Variants in THOP1 observed in about 807,000 individuals in gnomAD.
THOP1 encodes the protein thimet oligopeptidase 1, also known as thimet oligopeptidase.
In THOP1, 49 loss-of-function variants were observed where a neutral mutation model predicts 71.8. The ratio of observed to expected loss-of-function variants is 0.68; its 90% confidence interval spans 0.54 to 0.87. The LOEUF (loss-of-function observed/expected upper bound fraction) is 0.87. Among genes scored for constraint, THOP1 ranks in the 40% least tolerant of loss-of-function variants. The probability of loss-of-function intolerance (pLI) is 0.00; values close to 1 mark genes in which losing one functional copy is unlikely to be tolerated. For missense variants in THOP1, 843 were observed against 975.6 expected (o/e 0.86, Z 1.81); for synonymous variants, 426 against 421.5 (o/e 1.01, Z -0.13).
At chr19:2,791,357 C>T (rs149412811) in intron 2 of THOP1, among the ~76,000 whole-genome samples, 207 of 152,332 alleles carry the variant, frequency 1.4e-3, no homozygotes, top group African/African-American at 4.9e-3. Context: ...GGCCTTTTTG[C>T]TGGGAACCAT....
At position 2,807,534 on chromosome 19, in the gene THOP1, C is replaced by G. The variant is rs146411808; in HGVS notation, c.979C>G (p.Pro327Ala). The change falls in exon 8 of 13, where the codon CCC becomes GCC. Residue 327 changes from proline (P) to alanine (A), a missense_variant. By Grantham distance (27) the Pro-to-Ala change is conservative. Coordinates refer to ENST00000307741, the MANE Select transcript of THOP1 (RefSeq NM_003249.5). The part of the protein sequence containing the change: ...KRAECERRGL[P>A]FDGRIRAWDM... ...TGCGGAGTGCGAGCGCCGGGGCCTG[C>G]CCTTCGACGGCCGCATCCGTGCCTG... The G allele has an allele frequency of 1.1e-3, 1,720 of 1,612,154 alleles. 15 individuals carry two copies. Among genetic ancestry groups the G allele is most frequent in the Non-Finnish European group, 7.1e-4 (839 of 1,179,780 alleles).
rs1273549583 is a variant in THOP1, at chr19:2,801,735, C to G, written c.589+1944C>G. On this transcript the variant is annotated intron_variant, in intron 5 of 12. Transcript: ENST00000307741. This position sits in a 1 kb window ranked among gnomAD's most constrained non-coding sequence, Gnocchi z 5.1. ...GCCAGGGCCTTCTTCCTGGTGGGGA[C>G]TCTGGAGCCCTGAGGCGGCCAGGGT... 6.6e-6 allele frequency among the ~76,000 whole-genome samples: 1 copy of G among 152,140 alleles called. No individual in the cohort carries two copies. The highest frequency in any genetic ancestry group is 1.5e-5 in the Non-Finnish European group (1 of 68,010).
chr19:2,796,262 T>C, intron 4 of THOP1, 74 bp downstream of exon 4: 1 of 1,246,104 alleles, frequency 8.0e-7, no homozygotes, highest in Non-Finnish European at 1.1e-6. Context: ...CAGGGAGTGC[T>C]CAGTCCCAGG....
intron 6 of THOP1, 120 bp from the exon 7 acceptor site, chr19:2,806,797 G>C: frequency 6.5e-7 from 1 of 1,537,180 alleles, no homozygotes; most frequent in South Asian, 1.2e-5. Flanking sequence ...GCCGAGAGGG[G>C]CAGGGACCGG....
In THOP1 at chr19:2,801,367, CG is replaced by C. The variant is rs1211828889; in HGVS notation, c.589+1577del. Among the ~76,000 whole-genome samples, 1 of 152,104 alleles carries C rather than the reference CG, an allele frequency of 6.6e-6. No individual in the cohort carries two copies. The highest frequency in any genetic ancestry group is 6.5e-5 in the Admixed American group (1 of 15,274). On this transcript the variant is annotated intron_variant, in intron 5 of 12. Coordinates refer to ENST00000307741, the MANE Select transcript of THOP1 (RefSeq NM_003249.5). The surrounding 1 kb of genome is among the most constrained non-coding windows in gnomAD (Gnocchi z 5.1). ...TTTCACGTTTGCCATCCTGCAAACTCGAATGTTTGTGGATTTTGGTGTCTAA... is the reference window on the plus strand; with the variant it reads ...TTTCACGTTTGCCATCCTGCAAACTCAATGTTTGTGGATTTTGGTGTCTAA...
At chr19:2,808,902 T>A (rs1250011904) in intron 9 of THOP1, among the ~76,000 whole-genome samples, 1 of 152,186 alleles carries the variant, frequency 6.6e-6, no homozygotes, top group African/African-American at 2.4e-5. Context: ...CTCTAAGTAG[T>A]CACATCCTGG....
At chr19:2,807,378 G>GGCGA in intron 7 of THOP1, 64 bp from the exon 8 acceptor site, 1 of 1,495,918 alleles carries the variant, frequency 6.7e-7, no homozygotes, top group East Asian at 2.3e-5. Flanking sequence ...GCCGCGGGCG[G>GGCGA]GCGAGCCCAG....
In THOP1 at chr19:2,794,907, C is replaced by T. The variant is rs372884318; in HGVS notation, c.373C>T (p.Leu125Phe). ...GGACGTGTACCAGAGGATCGTGTGG[C>T]TCCAGGTGAGGGGGCCCTGCGGGGA... ...REDVYQRIVW[L>F]QEKVQKDSLR... is the part of the protein sequence containing the mutation. The change falls in exon 3 of 13, where the codon CTC becomes TTC. Residue 125 changes from leucine to phenylalanine, a missense_variant. Leu to Phe is a conservative substitution (Grantham distance 22, BLOSUM62 0). Transcript: ENST00000307741. 1.6e-5 allele frequency: 25 copies of T among 1,610,390 alleles called. No individual in the cohort carries two copies. The highest frequency in any genetic ancestry group is 1.6e-4 in the Middle Eastern group (1 of 6,074).
chr19:2,807,752 G>A lies in THOP1; in HGVS notation c.1197G>A (p.Ala399=), dbSNP rs756438237. 1.0e-5 allele frequency: 16 copies of A among 1,561,414 alleles called. No individual in the cohort carries two copies. The highest frequency in any genetic ancestry group is 2.3e-5 in the East Asian group (1 of 43,992). Residue 399 remains alanine, a synonymous_variant, in exon 8 of 13, where the codon GCG becomes GCA. Transcript: ENST00000307741. ...AWHEDVRLYT[A]RDAASGEVVG... is the part of the protein sequence containing the mutation. ...ATGAGGACGTGCGGCTCTACACCGCGAGGGACGCGGCCTCGGGGGAGGTGG... is the reference window on the plus strand; with the variant it reads ...ATGAGGACGTGCGGCTCTACACCGCAAGGGACGCGGCCTCGGGGGAGGTGG...
rs1599530695 is a variant in THOP1 at position 2,807,641 on chromosome 19, G to A, written c.1086G>A (p.Val362=). The stretch of plus-strand genomic sequence containing the variant: ...ACCTGCTCAAGGAGTACTTCCCCGT[G>A]CAGGTGGTCACGCACGGGCTGCTGG... ...DQNLLKEYFP[V]QVVTHGLLGI... is the part of the protein sequence containing the mutation. Residue 362 remains valine (V), a synonymous_variant, in exon 8 of 13, where the codon GTG becomes GTA. Transcript: ENST00000307741. 6.2e-7 allele frequency: 1 copy of A among 1,611,044 alleles called. No homozygotes were observed. Among genetic ancestry groups the A allele is most frequent in the African/African-American group, 1.3e-5 (1 of 74,902 alleles).
chr19:2,809,925 C>T (rs564082268), intron 9 of THOP1: 2 of 259,000 alleles, frequency 7.7e-6, no homozygotes, highest in East Asian at 1.7e-4. Flanking sequence ...GGGAAGGTTC[C>T]ACACACACAC....
intron 12 of THOP1, chr19:2,812,008 T>A: frequency 2.0e-6 from 2 of 1,019,208 alleles, no homozygotes; most frequent in Non-Finnish European, 2.7e-6. Context: ...TGCCCACAGC[T>A]CCTCCCTGGG....
Position 2,807,808 on chromosome 19 carries a change from G to A in THOP1, c.1253G>A (p.Arg418Gln), listed in dbSNP as rs760924412. The A allele has an allele frequency of 1.5e-5, 23 of 1,485,282 alleles. No individual in the cohort carries two copies. The highest frequency in any genetic ancestry group is 1.8e-5 in the Non-Finnish European group (20 of 1,119,802). The allele number at this position is 1,485,282 out of a possible 1,614,324, so 92.0% of individuals were successfully genotyped here. A position where few individuals can be genotyped will look rare whatever the true frequency, so the allele number is the denominator to read the frequency against. ...VGKFYLDLYP[R>Q]EGKYGHAACF... is the part of the protein sequence containing the mutation. ...AAGTTCTACCTGGACCTGTACCCGC[G>A]GTGGGTGAGGGCAGCGGGGGCGGGG... Residue 418 changes from arginine (R) to glutamine (Q), a missense_variant and splice_region_variant, in exon 8 of 13, where the codon CGG becomes CAG. Coordinates refer to ENST00000307741, the MANE Select transcript of THOP1 (RefSeq NM_003249.5).
Position 2,794,903 on chromosome 19 carries a change from G to A in THOP1, c.369G>A (p.Val123=). ...GGGAGGACGTGTACCAGAGGATCGT[G>A]TGGCTCCAGGTGAGGGGGCCCTGCG... ...SMREDVYQRI[V]WLQEKVQKDS... Residue 123 remains valine (V), a synonymous_variant, in exon 3 of 13, where the codon GTG becomes GTA. Coordinates refer to ENST00000307741, the MANE Select transcript of THOP1 (RefSeq NM_003249.5). 6.2e-7 allele frequency: 1 copy of A among 1,610,722 alleles called. No individual in the cohort carries two copies. The highest frequency in any genetic ancestry group is 8.5e-7 in the Non-Finnish European group (1 of 1,177,170).
Position 2,796,204 on chromosome 19 carries a change from A to C in THOP1, c.486+16A>C. On this transcript the variant is annotated intron_variant, in intron 4 of 12. Transcript: ENST00000307741. Reference sequence around the variant, plus strand: ...GACTCAGGAAGTGAGTGCTGGGTGTAGGGAGTGCTGGGCGTGGGCAATGGT... The same window carrying C: ...GACTCAGGAAGTGAGTGCTGGGTGTCGGGAGTGCTGGGCGTGGGCAATGGT... The C allele has an allele frequency of 6.3e-7, 1 of 1,594,372 alleles. No homozygotes were observed. Among genetic ancestry groups the C allele is most frequent in the Middle Eastern group, 1.7e-4 (1 of 6,018 alleles).
At chr19:2,806,803 A>C (rs1916302481) in intron 6 of THOP1, 114 bp from the exon 7 acceptor site, 4 of 1,556,838 alleles carry the variant, frequency 2.6e-6, no homozygotes, top group Non-Finnish European at 2.6e-6. Flanking sequence ...AGGGGCAGGG[A>C]CCGGAGGTCA....
rs1477767450 is a variant in THOP1, at chr19:2,804,469, G to A, written c.590-547G>A. ...TCTGAGCGGGAGGCTCTGCCTGGGGGTGGTTCTTCAGGAAAAGCAAAGCAG... is the reference window on the plus strand; with the variant it reads ...TCTGAGCGGGAGGCTCTGCCTGGGGATGGTTCTTCAGGAAAAGCAAAGCAG... On this transcript the variant is annotated intron_variant, in intron 5 of 12. Coordinates refer to ENST00000307741, the MANE Select transcript of THOP1 (RefSeq NM_003249.5). This position sits in a 1 kb window ranked among gnomAD's most constrained non-coding sequence, Gnocchi z 4.7. 6.5e-6 allele frequency: 1 copy of A among 153,998 alleles called. No homozygotes were observed. The highest frequency in any genetic ancestry group is 1.4e-5 in the Non-Finnish European group (1 of 69,404). The allele number at this position is 153,998 out of a possible 1,614,324, so 9.5% of individuals were successfully genotyped here. A position where few individuals can be genotyped will look rare whatever the true frequency, so the allele number is the denominator to read the frequency against.
chr19:2,808,830 T>C (rs1916381753), intron 9 of THOP1, among the ~76,000 whole-genome samples: 1 of 152,210 alleles, frequency 6.6e-6, no homozygotes, highest in South Asian at 2.1e-4. Context: ...ACCCCAGTCA[T>C]GCCGGATCAG....
chr19:2,811,976 C>T (rs1916487556), intron 12 of THOP1: 3 of 1,094,682 alleles, frequency 2.7e-6, no homozygotes, highest in African/African-American at 1.6e-5. Flanking sequence ...GGCCGAGGCA[C>T]CTGCTGGTCT....
Sources: gnomAD v4.1 joint callset for allele counts (sites outside exome capture counted in the v4.1 genomes callset) on GRCh38, gnomAD v4.1.1 for gene constraint, Gnocchi (gnomAD v3.1) non-coding constraint, MANE v1.5 for transcripts, NCBI Gene and HGNC (gene_info 2026-07-23, HGNC 2026-07-21) for gene names.